The following IVNS1ABP variants were observed in gnomAD, a reference collection of about 807,000 sequenced individuals.
IVNS1ABP encodes influenza virus NS1A-binding protein.
In IVNS1ABP, 25 loss-of-function variants were observed where a neutral mutation model predicts 78.9. That is an observed-to-expected ratio of 0.32 (90% confidence interval 0.23 to 0.44). The LOEUF (loss-of-function observed/expected upper bound fraction) is 0.44, where lower values mean the gene tolerates loss of function less well. Among genes scored for constraint, IVNS1ABP ranks in the 20% least tolerant of loss-of-function variants. The pLI, the probability that IVNS1ABP is intolerant of heterozygous loss-of-function variation, is 1.00. For missense variants in IVNS1ABP, 494 were observed against 768.9 expected, an observed-to-expected ratio of 0.64 and a Z score of 4.23; for synonymous variants, 241 against 259.7, an observed-to-expected ratio of 0.93 and a Z score of 0.69.
At chr1:185,304,179 C>A (rs1189278088) in intron 8 of IVNS1ABP, among the ~76,000 whole-genome samples, 1 of 152,060 alleles carries the variant, frequency 6.6e-6, no homozygotes, top group African/African-American at 2.4e-5. Flanking sequence ...CCTTTCGTAG[C>A]TACCTCTTAT....
chr1:185,314,356 A>C (rs1665959538), intron 1 of IVNS1ABP, among the ~76,000 whole-genome samples: 1 of 152,224 alleles, frequency 6.6e-6, no homozygotes, highest in African/African-American at 2.4e-5. Flanking sequence ...TCATAACACA[A>C]TAGAAGTTAA....
chr1:185,306,990 A>T, intron 7 of IVNS1ABP, 24 bp downstream of exon 7: 1 of 1,607,710 alleles, frequency 6.2e-7, no homozygotes, highest in Non-Finnish European at 8.5e-7. Flanking sequence ...AAAATGGTTG[A>T]ATCCCATTTA....
intron 1 of IVNS1ABP, among the ~76,000 whole-genome samples, chr1:185,311,977 G>A (rs1370297585): frequency 6.6e-6 from 1 of 152,150 alleles, no homozygotes; most frequent in Non-Finnish European, 1.5e-5. Flanking sequence ...TATTCATGCT[G>A]TATTTATATA....
rs1288342006 is a variant in IVNS1ABP, at chr1:185,316,969, G to C, written c.-263C>G. On this transcript the variant is annotated 5_prime_UTR_variant, in exon 1 of 15. Coordinates refer to ENST00000367498, the MANE Select transcript of IVNS1ABP (RefSeq NM_006469.5). ...GCGTATTACCTGGTTCATCTCTGAA[G>C]AGATGGAAACATTCATTTCTAGAGC... 7.5e-6 allele frequency: 3 copies of C among 398,452 alleles called. No individual in the cohort carries two copies. In the East Asian group the frequency reaches 1.1e-4, roughly 14 times the overall value. 24.7% of individuals were successfully genotyped at this position (398,452 alleles called of 1,614,324 possible).
At chr1:185,302,751 G>A (rs753848034) in intron 8 of IVNS1ABP, among the ~76,000 whole-genome samples, 1 of 151,944 alleles carries the variant, frequency 6.6e-6, no homozygotes, top group Non-Finnish European at 1.5e-5. Flanking sequence ...GTATTACTAG[G>A]TACTTTATTT....
chr1:185,306,898 A>G, intron 7 of IVNS1ABP, 116 bp downstream of exon 7: 1 of 1,179,412 alleles, frequency 8.5e-7, no homozygotes, highest in Non-Finnish European at 1.2e-6. Flanking sequence ...GGGTACCTAT[A>G]GCAAAATTTA....
At chr1:185,307,701 C>T (rs761496615) in intron 5 of IVNS1ABP, 39 bp from the exon 6 acceptor site, 1 of 1,563,870 alleles carries the variant, frequency 6.4e-7, no homozygotes, top group East Asian at 2.3e-5. Flanking sequence ...ACTTACATAT[C>T]TTTTATTCAA....
intron 8 of IVNS1ABP, among the ~76,000 whole-genome samples, chr1:185,304,270 A>G (rs895706449): frequency 6.6e-6 from 1 of 152,112 alleles, no homozygotes; most frequent in Non-Finnish European, 1.5e-5. Context: ...TGCCATACCG[A>G]ACATTATGGC....
chr1:185,316,767 G>T (rs967224411), intron 1 of IVNS1ABP, among the ~76,000 whole-genome samples, 186 bp downstream of exon 1: 4 of 152,166 alleles, frequency 2.6e-5, no homozygotes, highest in African/African-American at 9.6e-5. Flanking sequence ...GCTGGAGCGC[G>T]GGCCCAGCGC....
At position 185,315,830 on chromosome 1, in the gene IVNS1ABP, TTGTCA is replaced by T. The variant is rs142505667; in HGVS notation, c.-247+1118_-247+1122del. 2.0e-5 allele frequency among the ~76,000 whole-genome samples: 3 copies of T among 152,152 alleles called. No homozygotes were observed. The East Asian group carries it at 5.8e-4, about 29-fold the overall frequency. ...TAAGAGTGGTACTAGGCTTCCAGAGTTGTCATCTATTAGTAGACAGAAGACCACGA... is the reference window on the plus strand; with the variant it reads ...TAAGAGTGGTACTAGGCTTCCAGAGTTCTATTAGTAGACAGAAGACCACGA... On this transcript the variant is annotated intron_variant, in intron 1 of 14. Transcript: ENST00000367498.
At position 185,298,002 on chromosome 1, in the gene IVNS1ABP, T is replaced by C. The variant is rs1332335797; in HGVS notation, c.*33A>G. 3.7e-6 allele frequency: 6 copies of C among 1,603,152 alleles called. No homozygotes were observed. Among genetic ancestry groups the C allele is most frequent in the Non-Finnish European group, 5.1e-6 (6 of 1,173,060 alleles). Reference sequence around the variant, plus strand: ...CCTCTACTAACCATAATTACATCACTAAGCCTGTTAGTTTGAGAGGGTCTT... The same window carrying C: ...CCTCTACTAACCATAATTACATCACCAAGCCTGTTAGTTTGAGAGGGTCTT... On this transcript the variant is annotated 3_prime_UTR_variant, in exon 15 of 15. Transcript: ENST00000367498. This position sits in a 1 kb window ranked among gnomAD's most constrained non-coding sequence, Gnocchi z 4.1.
Position 185,316,999 on chromosome 1 carries a change from A to T in IVNS1ABP, c.-293T>A, listed in dbSNP as rs146757704. On this transcript the variant is annotated 5_prime_UTR_variant, in exon 1 of 15. Transcript: ENST00000367498. ...GGAAACATTCATTTCTAGAGCTTCG[A>T]TGGGAAGCAGGAGGAAGCGGGCGGG... The T allele has an allele frequency of 5.8e-5, 23 of 398,488 alleles. No individual in the cohort carries two copies. Among genetic ancestry groups the T allele is most frequent in the Non-Finnish European group, 9.3e-5 (21 of 226,124 alleles). The allele number at this position is 398,488 out of a possible 1,614,324, so 24.7% of individuals were successfully genotyped here. A position where few individuals can be genotyped will look rare whatever the true frequency, so the allele number is the denominator to read the frequency against.
rs976882819 is a variant in IVNS1ABP at position 185,305,932 on chromosome 1, A to C, written c.658-289T>G. The C allele has an allele frequency of 3.0e-6, 1 of 335,832 alleles. No homozygotes were observed. Among genetic ancestry groups the C allele is most frequent in the African/African-American group, 2.1e-5 (1 of 47,418 alleles). The allele number at this position is 335,832 out of a possible 1,614,324, so 20.8% of individuals were successfully genotyped here. On this transcript the variant is annotated intron_variant, in intron 7 of 14. Coordinates refer to ENST00000367498, the MANE Select transcript of IVNS1ABP (RefSeq NM_006469.5). This position sits in a 1 kb window ranked among gnomAD's most constrained non-coding sequence, Gnocchi z 4.0. Reference sequence around the variant, plus strand: ...TCATTTTTTTCATAGCTTCTATCATATAACAGTAAGAAAAAAAGCACTAGT... The same window carrying C: ...TCATTTTTTTCATAGCTTCTATCATCTAACAGTAAGAAAAAAAGCACTAGT...
intron 8 of IVNS1ABP, among the ~76,000 whole-genome samples, chr1:185,303,636 T>C (rs1450327175): frequency 1.3e-5 from 2 of 152,094 alleles, no homozygotes; most frequent in East Asian, 3.9e-4. Flanking sequence ...TCTATTTATA[T>C]ATAGACATAA....
intron 8 of IVNS1ABP, chr1:185,301,819 CA>C (rs1376154162): frequency 1.5e-5 from 4 of 264,192 alleles, no homozygotes; most frequent in Non-Finnish European, 2.9e-5. Context: ...ATTTGAAAAA[CA>C]TGTTGCAAAT....
chr1:185,305,897 A>G lies in IVNS1ABP; in HGVS notation c.658-254T>C, dbSNP rs1371823395. ...AAGAGTCGTTGGCTTGATTGGCTTGAAAGAAATCTTCATTTTTTTCATAGC... is the reference window on the plus strand; with the variant it reads ...AAGAGTCGTTGGCTTGATTGGCTTGGAAGAAATCTTCATTTTTTTCATAGC... On this transcript the variant is annotated intron_variant, in intron 7 of 14. Coordinates refer to ENST00000367498, the MANE Select transcript of IVNS1ABP (RefSeq NM_006469.5). This position sits in a 1 kb window ranked among gnomAD's most constrained non-coding sequence, Gnocchi z 4.0. 5 of 417,762 alleles carry G rather than the reference A, an allele frequency of 1.2e-5. No homozygotes were observed. The highest frequency in any genetic ancestry group is 2.2e-5 in the Non-Finnish European group (5 of 228,650). The allele number at this position is 417,762 out of a possible 1,614,324, so 25.9% of individuals were successfully genotyped here. A position where few individuals can be genotyped will look rare whatever the true frequency, so the allele number is the denominator to read the frequency against.
chr1:185,300,405 TA>T (rs774792652), intron 11 of IVNS1ABP, 31 bp downstream of exon 11: 1 of 1,613,392 alleles, frequency 6.2e-7, no homozygotes, highest in South Asian at 1.1e-5. Context: ...AAAAGCTAAA[TA>T]GGGGTTGCTC....
At position 185,305,457 on chromosome 1, in the gene IVNS1ABP, T is replaced by A; in HGVS notation, c.765+79A>T. 1.2e-5 allele frequency: 19 copies of A among 1,530,906 alleles called. No individual in the cohort carries two copies. The highest frequency in any genetic ancestry group is 1.6e-5 in the Non-Finnish European group (18 of 1,125,866). 94.8% of individuals were successfully genotyped at this position (1,530,906 alleles called of 1,614,324 possible). A position where few individuals can be genotyped will look rare whatever the true frequency, so the allele number is the denominator to read the frequency against. ...ATGAAATTGGTCCACTTTCCTTTAT[T>A]AAAGGAAAATTTAAGTATGCTATCA... On this transcript the variant is annotated intron_variant, in intron 8 of 14. Transcript: ENST00000367498. This position sits in a 1 kb window ranked among gnomAD's most constrained non-coding sequence, Gnocchi z 4.0.
chr1:185,309,526 G>C lies in IVNS1ABP; in HGVS notation c.-18-15C>G, dbSNP rs748301874. On this transcript the variant is annotated splice_polypyrimidine_tract_variant and intron_variant, in intron 2 of 14. Coordinates refer to ENST00000367498, the MANE Select transcript of IVNS1ABP (RefSeq NM_006469.5). ...TATAAATTTGGCTAGATGATGAAAA[G>C]AAAGCTGAGTTATTTTACTTGCAAC... The C allele has an allele frequency of 7.8e-7, 1 of 1,283,980 alleles. No homozygotes were observed. Among genetic ancestry groups the C allele is most frequent in the Non-Finnish European group, 1.1e-6 (1 of 883,240 alleles). 79.5% of individuals were successfully genotyped at this position (1,283,980 alleles called of 1,614,324 possible).
Sources: gnomAD v4.1 joint callset for allele counts (sites outside exome capture counted in the v4.1 genomes callset) on GRCh38, gnomAD v4.1.1 for gene constraint, Gnocchi (gnomAD v3.1) non-coding constraint, MANE v1.5 for transcripts, NCBI Gene and HGNC (gene_info 2026-07-23, HGNC 2026-07-21) for gene names.